SFT2D1: variants seen among roughly 807,000 people sequenced by gnomAD.
SFT2D1 encodes the protein SFT2 domain containing 1.
In SFT2D1, 24 loss-of-function variants were observed where a neutral mutation model predicts 28.1. The ratio of observed to expected loss-of-function variants is 0.85; its 90% CI spans 0.62 to 1.20. SFT2D1 has a LOEUF of 1.20. Among genes scored for constraint, SFT2D1 ranks in the 50% most tolerant of loss-of-function variants. SFT2D1 has a pLI of 0.00. For missense variants in SFT2D1, 181 were observed against 190.9 expected, an observed-to-expected ratio of 0.95 and a Z score of 0.31; for synonymous variants, 82 against 73.7, an observed-to-expected ratio of 1.11 and a Z score of -0.58.
intron 7 of SFT2D1, among the ~76,000 whole-genome samples, chr6:166,321,293 C>T (rs559367667): frequency 6.6e-6 from 1 of 152,278 alleles, no homozygotes; most frequent in South Asian, 2.1e-4. Context: ...TAATAAAATT[C>T]TTATAGGCAA....
At chr6:166,337,102 A>G (rs1778670124) in intron 1 of SFT2D1, among the ~76,000 whole-genome samples, 1 of 152,218 alleles carries the variant, frequency 6.6e-6, no homozygotes, top group African/African-American at 2.4e-5. Flanking sequence ...GACTTGGAGC[A>G]CAGCCCAGGC....
intron 5 of SFT2D1, among the ~76,000 whole-genome samples, chr6:166,325,053 AAC>A (rs1332542880): frequency 5.9e-5 from 9 of 152,278 alleles, no homozygotes; most frequent in African/African-American, 2.2e-4. Context: ...GAATAATATA[AAC>A]AGTTTCCATG....
At chr6:166,339,219 C>T (rs1291363637) in intron 1 of SFT2D1, among the ~76,000 whole-genome samples, 1 of 152,088 alleles carries the variant, frequency 6.6e-6, no homozygotes, top group African/African-American at 2.4e-5. Context: ...AATTTAGTCT[C>T]CAGGACCAGG....
intron 1 of SFT2D1, among the ~76,000 whole-genome samples, chr6:166,338,693 C>T (rs1643464285): frequency 6.6e-6 from 1 of 151,944 alleles, no homozygotes; most frequent in African/African-American, 2.4e-5. Flanking sequence ...GGAGGCGGGC[C>T]GACAAGCAGT....
intron 7 of SFT2D1, among the ~76,000 whole-genome samples, chr6:166,320,677 A>ATT (rs34662866): frequency 2.1e-5 from 3 of 143,168 alleles, no homozygotes; most frequent in African/African-American, 2.6e-5. Flanking sequence ...CACTACACTA[A>ATT]TTTTTTTTTT....
At chr6:166,324,762 C>A in intron 5 of SFT2D1, 167 bp from the exon 6 acceptor site, 9 of 606,790 alleles carry the variant, frequency 1.5e-5, no homozygotes, top group South Asian at 9.8e-5. Flanking sequence ...ACTTTAAAAC[C>A]CAAAAAATAC....
intron 1 of SFT2D1, among the ~76,000 whole-genome samples, chr6:166,336,629 A>G (rs990495531): frequency 2.4e-4 from 37 of 152,156 alleles, no homozygotes; most frequent in African/African-American, 7.7e-4. Context: ...ACACGATGGA[A>G]AGGGCAATGG....
At chr6:166,326,315 TGTAA>T in intron 4 of SFT2D1, 148 bp from the exon 5 acceptor site, 1 of 703,668 alleles carries the variant, frequency 1.4e-6, no homozygotes, top group Admixed American at 3.0e-5. Flanking sequence ...TTGTATTTTC[TGTAA>T]GTATTATTTT....
At position 166,330,156 on chromosome 6, in the gene SFT2D1, C is replaced by T. The variant is rs1778523438; in HGVS notation, c.150+5G>A. 6.3e-7 allele frequency: 1 copy of T among 1,575,888 alleles called. No homozygotes were observed. Among genetic ancestry groups the T allele is most frequent in the African/African-American group, 1.4e-5 (1 of 72,464 alleles). On this transcript the variant is annotated splice_donor_5th_base_variant and intron_variant, in intron 2 of 7. Transcript: ENST00000361731. The stretch of plus-strand genomic sequence containing the variant: ...ATTATTAAACAATATAAAGCCTTAA[C>T]TCACAAGAATAGAAAAGAAAACGCC...
At chr6:166,334,943 G>A in intron 1 of SFT2D1, 1 of 452,188 alleles carries the variant, frequency 2.2e-6, no homozygotes, top group Non-Finnish European at 4.2e-6. Flanking sequence ...TCGCCTAAGA[G>A]ATCTTGAACA....
rs146623538 is a variant in SFT2D1 at position 166,324,414 on chromosome 6, C to T, written c.410+123G>A. On this transcript the variant is annotated intron_variant, in intron 6 of 7. Coordinates refer to ENST00000361731, the MANE Select transcript of SFT2D1 (RefSeq NM_145169.3). Reference sequence around the variant, plus strand: ...TCATCGCAGACCTCCCCTCCTCTGACCCTGCAGGGCCTGTCTGGCTCCAAA... The same window carrying T: ...TCATCGCAGACCTCCCCTCCTCTGATCCTGCAGGGCCTGTCTGGCTCCAAA... 86 of 840,552 alleles carry T rather than the reference C, an allele frequency of 1.0e-4. No individual in the cohort carries two copies. In the African/African-American group the frequency reaches 1.2e-3, roughly 12 times the overall value. 52.1% of individuals were successfully genotyped at this position (840,552 alleles called of 1,614,324 possible).
chr6:166,328,061 G>A (rs887956699), intron 4 of SFT2D1, among the ~76,000 whole-genome samples: 2 of 152,094 alleles, frequency 1.3e-5, no homozygotes, highest in African/African-American at 4.8e-5. Flanking sequence ...GCCCCCCAAA[G>A]TGCTGGGATT....
At chr6:166,329,191 A>G (rs1344947606) in intron 3 of SFT2D1, among the ~76,000 whole-genome samples, 1 of 152,176 alleles carries the variant, frequency 6.6e-6, no homozygotes, top group Admixed American at 6.5e-5. Flanking sequence ...GCTCTGTGCT[A>G]TTATCTCCAG....
intron 1 of SFT2D1, among the ~76,000 whole-genome samples, chr6:166,333,714 C>T (rs1778593875): frequency 6.6e-6 from 1 of 152,210 alleles, no homozygotes; most frequent in African/African-American, 2.4e-5. Context: ...TCATCAGCCC[C>T]CCATGGCCTG....
At position 166,328,409 on chromosome 6, in the gene SFT2D1, T is replaced by G. The variant is rs1321562534; in HGVS notation, c.234-52A>C. The G allele has an allele frequency of 5.6e-6, 6 of 1,076,694 alleles. No individual in the cohort carries two copies. In the African/African-American group the frequency reaches 9.8e-5, roughly 18 times the overall value. 66.7% of individuals were successfully genotyped at this position (1,076,694 alleles called of 1,614,324 possible). ...GGTACAGGTCTACTAATTTATCTGG[T>G]TATGCAAAAATAAACTACTTTTTTA... On this transcript the variant is annotated intron_variant, in intron 3 of 7. Transcript: ENST00000361731.
chr6:166,342,324 C>G (rs1040420182), intron 1 of SFT2D1, 95 bp downstream of exon 1: 1 of 1,170,676 alleles, frequency 8.5e-7, no homozygotes, highest in South Asian at 1.5e-5. Flanking sequence ...TCCCAGACCC[C>G]CGGCCTCGCA....
chr6:166,338,608 C>T (rs1187962690), intron 1 of SFT2D1, among the ~76,000 whole-genome samples: 3 of 151,994 alleles, frequency 2.0e-5, no homozygotes, highest in Non-Finnish European at 2.9e-5. Flanking sequence ...TGCCAGGTCT[C>T]CCAGGCAGAA....
chr6:166,330,678 G>A (rs779458261), intron 1 of SFT2D1, among the ~76,000 whole-genome samples: 2 of 152,232 alleles, frequency 1.3e-5, no homozygotes, highest in Non-Finnish European at 2.9e-5. Context: ...TCTGCAGGAC[G>A]AATTCCTCAG....
chr6:166,326,193 T>G (rs1323682405), intron 4 of SFT2D1, 26 bp from the exon 5 acceptor site: 3 of 1,603,900 alleles, frequency 1.9e-6, no homozygotes, highest in Non-Finnish European at 2.6e-6. Context: ...GAGTAGATTA[T>G]AAGTTTGAGA....
Sources: gnomAD v4.1 joint callset for allele counts (sites outside exome capture counted in the v4.1 genomes callset) on GRCh38, gnomAD v4.1.1 for gene constraint, MANE v1.5 for transcripts, NCBI Gene and HGNC (gene_info 2026-07-23, HGNC 2026-07-21) for gene names.